The following SYNPO variants were observed in gnomAD, a reference collection of about 807,000 sequenced individuals.
SYNPO encodes the protein synaptopodin.
A neutral mutation model predicts 49.5 loss-of-function variants in SYNPO; 19 were observed. That is an observed-to-expected ratio of 0.38 (90% CI 0.27 to 0.56). SYNPO has a LOEUF of 0.56. Among genes scored for constraint, SYNPO ranks in the 20% least tolerant of loss-of-function variants. The pLI, the probability that SYNPO is intolerant of heterozygous loss-of-function variation, is 0.68. For missense variants in SYNPO, 1,131 were observed against 1,248.3 expected, an observed-to-expected ratio of 0.91 and a Z score of 1.42; for synonymous variants, 536 against 548.0, an observed-to-expected ratio of 0.98 and a Z score of 0.31.
chr5:150,655,504 G>A (rs1758520559), intron 2 of SYNPO, among the ~76,000 whole-genome samples: 2 of 152,314 alleles, frequency 1.3e-5, no homozygotes, highest in African/African-American at 2.4e-5. Flanking sequence ...TGGGGAAACC[G>A]AAGCCTCCCT....
chr5:150,639,210 G>A (rs1400784014), upstream of SYNPO, among the ~76,000 whole-genome samples: 1 of 152,232 alleles, frequency 6.6e-6, no homozygotes. Context: ...GGCTTGCGCT[G>A]ACTGTGGAGC....
At chr5:150,593,605 G>A in the SYNPO span, among the ~76,000 whole-genome samples, 3 of 152,062 alleles carry the variant, frequency 2.0e-5, no homozygotes, top group Non-Finnish European at 4.4e-5. Context: ...GAGACTACAG[G>A]CGTTCACCAC....
chr5:150,635,037 A>T (rs1310243760), intron 2 of SYNPO, among the ~76,000 whole-genome samples: 1 of 152,252 alleles, frequency 6.6e-6, no homozygotes, highest in African/African-American at 2.4e-5. Context: ...TCCATTCTCC[A>T]GGAGCATGTG....
chr5:150,644,020 C>CA (rs1309072270), intron 1 of SYNPO, among the ~76,000 whole-genome samples: 3 of 151,856 alleles, frequency 2.0e-5, no homozygotes, highest in Admixed American at 1.3e-4. Context: ...ACAAAAAATA[C>CA]AAAAATTAGC....
At chr5:150,625,529 C>G (rs1241181086) in intron 2 of SYNPO, among the ~76,000 whole-genome samples, 1 of 152,220 alleles carries the variant, frequency 6.6e-6, no homozygotes, top group Non-Finnish European at 1.5e-5. Flanking sequence ...GGCCTTTCCC[C>G]AGCGCCTACA....
At chr5:150,587,901 T>C in the SYNPO span, among the ~76,000 whole-genome samples, 2 of 152,194 alleles carry the variant, frequency 1.3e-5, no homozygotes, top group Non-Finnish European at 2.9e-5. Flanking sequence ...GAAGAAAAGA[T>C]TGGGTCTCTC....
At chr5:150,635,129 A>ACGTCCCACAT (rs1757672503) in intron 2 of SYNPO, among the ~76,000 whole-genome samples, 8 of 152,368 alleles carry the variant, frequency 5.3e-5, no homozygotes, top group Admixed American at 5.2e-4. Flanking sequence ...ACGTCCCACA[A>ACGTCCCACAT]GGTGTGTACC....
At chr5:150,626,021 G>A (rs1398885222) in intron 2 of SYNPO, among the ~76,000 whole-genome samples, 1 of 152,250 alleles carries the variant, frequency 6.6e-6, no homozygotes, top group African/African-American at 2.4e-5. Flanking sequence ...GGTGGTAGCT[G>A]TAGGGCTAGT....
intron 2 of SYNPO, among the ~76,000 whole-genome samples, chr5:150,620,046 A>G (rs1757104132): frequency 1.3e-5 from 2 of 151,796 alleles, no homozygotes; most frequent in South Asian, 4.2e-4. Flanking sequence ...CATCCCTCTC[A>G]CGGGCCCAGG....
At chr5:150,644,888 C>CG (rs1758032710) in intron 1 of SYNPO, among the ~76,000 whole-genome samples, 2 of 152,030 alleles carry the variant, frequency 1.3e-5, no homozygotes, top group South Asian at 2.1e-4. Context: ...GAGTCCTACT[C>CG]GGGGGGAGTA....
intron 2 of SYNPO, chr5:150,651,769 A>G (rs1419990675): frequency 3.9e-5 from 39 of 1,000,286 alleles, no homozygotes; most frequent in Non-Finnish European, 4.5e-5. Flanking sequence ...GTGTGTCTGT[A>G]GGTCTCAGTT....
intron 1 of SYNPO, among the ~76,000 whole-genome samples, chr5:150,646,158 C>T (rs1758083163): frequency 1.4e-5 from 2 of 144,514 alleles, no homozygotes; most frequent in Admixed American, 1.4e-4. Context: ...AGGGAGACCC[C>T]TTCTCTACAA....
At chr5:150,634,853 CA>C (rs1757657763) in intron 2 of SYNPO, among the ~76,000 whole-genome samples, 1 of 75,964 alleles carries the variant, frequency 1.3e-5, no homozygotes, top group African/African-American at 6.8e-5. Flanking sequence ...CACACACACA[CA>C]CACACACACC....
chr5:150,637,037 G>A (rs1757739860), upstream of SYNPO, among the ~76,000 whole-genome samples: 1 of 152,196 alleles, frequency 6.6e-6, no homozygotes, highest in Non-Finnish European at 1.5e-5. Context: ...CAGCTACTCT[G>A]CAAAGCAGAT....
chr5:150,617,229 A>G (rs1272791309), intron 1 of SYNPO, among the ~76,000 whole-genome samples: 1 of 152,210 alleles, frequency 6.6e-6, no homozygotes, highest in Non-Finnish European at 1.5e-5. Flanking sequence ...TGATCGTCAC[A>G]CAAATGGCAG....
upstream of SYNPO, among the ~76,000 whole-genome samples, chr5:150,599,634 A>G (rs887579687): frequency 4.6e-5 from 7 of 152,162 alleles, no homozygotes; most frequent in Non-Finnish European, 1.0e-4. Context: ...TGCAAAGTGT[A>G]TCGGAGAAGA....
chr5:150,650,348 G>T lies in SYNPO; in HGVS notation c.2028+45G>T, dbSNP rs778871457. ...GCTTCAAGTAACGAACCCCACGGGG[G>T]TCCCACTGCCGGTCAAGTTCCCCTC... is the stretch of plus-strand genomic sequence containing the variant. On this transcript the variant is annotated intron_variant, in intron 2 of 2. Transcript: ENST00000307662. The T allele has an allele frequency of 1.1e-5, 18 of 1,612,540 alleles. No homozygotes were observed. In the East Asian group the frequency reaches 4.0e-4, roughly 36 times the overall value.
Position 150,650,171 on chromosome 5 carries a change from G to A in SYNPO, c.1896G>A (p.Leu632=). 1 of 1,613,884 alleles carries A rather than the reference G, an allele frequency of 6.2e-7. No homozygotes were observed. Among genetic ancestry groups the A allele is most frequent in the Non-Finnish European group, 8.5e-7 (1 of 1,179,996 alleles). ...GLYTSPGQDS[L]QPTAVSPPYG... Reference sequence around the variant, plus strand: ...ACACCTCCCCCGGCCAGGACAGCCTGCAGCCCACTGCCGTGAGCCCTCCTT... The same window carrying A: ...ACACCTCCCCCGGCCAGGACAGCCTACAGCCCACTGCCGTGAGCCCTCCTT... The change falls in exon 2 of 3, where the codon CTG becomes CTA. Residue 632 remains leucine (L), a synonymous_variant. Transcript: ENST00000307662.
chr5:150,636,168 T>G (rs1437054199), upstream of SYNPO, among the ~76,000 whole-genome samples: 1 of 152,220 alleles, frequency 6.6e-6, no homozygotes, highest in East Asian at 1.9e-4. Flanking sequence ...AATAAATACT[T>G]GTTGAATGAA....
Sources: allele counts gnomAD v4.1 joint callset (sites outside exome capture counted in the v4.1 genomes callset), GRCh38; gene constraint gnomAD v4.1.1; transcripts MANE v1.5; gene names NCBI Gene and HGNC (gene_info 2026-07-23, HGNC 2026-07-21).